The following CHRAC1 variants were observed in gnomAD, a reference collection of about 807,000 sequenced individuals.
CHRAC1 encodes the protein chromatin accessibility complex subunit 1, also known as chromatin accessibility complex protein 1.
In CHRAC1, 6 loss-of-function variants were observed where a neutral mutation model predicts 9.1. The ratio of observed to expected loss-of-function variants is 0.66; its 90% CI spans 0.36 to 1.29. The LOEUF is 1.29. CHRAC1 is among the 50% of genes most tolerant of loss of function. The probability of loss-of-function intolerance (pLI) is 0.03; values close to 1 mark genes in which losing one functional copy is unlikely to be tolerated. For synonymous variants in CHRAC1, 73 were observed against 64.5 expected, an observed-to-expected ratio of 1.13 and a Z score of -0.63; for missense variants, 168 against 163.5, an observed-to-expected ratio of 1.03 and a Z score of -0.15.
intron 1 of CHRAC1, among the ~76,000 whole-genome samples, chr8:140,513,797 T>G (rs989221885): frequency 1.3e-5 from 2 of 152,120 alleles, no homozygotes; most frequent in South Asian, 2.1e-4. Flanking sequence ...ACGATTCATC[T>G]TTTTCGTAAG....
chr8:140,516,068 T>A lies in CHRAC1; in HGVS notation c.*821T>A, dbSNP rs1236138555. 1 of 152,134 alleles carries A rather than the reference T, an allele frequency of 6.6e-6. No individual in the cohort carries two copies. Among genetic ancestry groups the A allele is most frequent in the Non-Finnish European group, 1.5e-5 (1 of 68,020 alleles). The allele number at this position is 152,134 out of a possible 1,614,324, so 9.4% of individuals were successfully genotyped here. On this transcript the variant is annotated 3_prime_UTR_variant, in exon 3 of 3. Coordinates refer to ENST00000220913, the MANE Select transcript of CHRAC1 (RefSeq NM_017444.6). ...AAATTCCTGGCACTTCTTTTTACTGTCTATAAGAGAAAACCTATCATAAGC... is the reference window on the plus strand; with the variant it reads ...AAATTCCTGGCACTTCTTTTTACTGACTATAAGAGAAAACCTATCATAAGC...
At position 140,515,415 on chromosome 8, in the gene CHRAC1, T is replaced by A; in HGVS notation, c.*168T>A. 1.6e-6 allele frequency: 1 copy of A among 633,924 alleles called. No individual in the cohort carries two copies. Among genetic ancestry groups the A allele is most frequent in the Non-Finnish European group, 2.6e-6 (1 of 391,440 alleles). 39.3% of individuals were successfully genotyped at this position (633,924 alleles called of 1,614,324 possible). A position where few individuals can be genotyped will look rare whatever the true frequency, so the allele number is the denominator to read the frequency against. On this transcript the variant is annotated 3_prime_UTR_variant, in exon 3 of 3. Transcript: ENST00000220913. ...TTCCAGGCCGAGATTGAGCACCTCA[T>A]GTACCTACGCCACAGACAGCCAGAG...
In CHRAC1 at chr8:140,515,370, G is replaced by C; in HGVS notation, c.*123G>C. On this transcript the variant is annotated 3_prime_UTR_variant, in exon 3 of 3. Transcript: ENST00000220913. ...CTTCTTCACAGAGTTCCAGTGTGTG[G>C]TATTCTTTCGAGGTATTCTTTCCAG... The C allele has an allele frequency of 1.0e-6, 1 of 961,508 alleles. No individual in the cohort carries two copies. 59.6% of individuals were successfully genotyped at this position (961,508 alleles called of 1,614,324 possible).
At position 140,515,956 on chromosome 8, in the gene CHRAC1, C is replaced by CA. The variant is rs2072331401; in HGVS notation, c.*709_*710insA. ...AAATCAAATACAAAAATAAGTCTTA[C>CA]CTCTTGTATAAGCATGTTGTACTAA... On this transcript the variant is annotated 3_prime_UTR_variant, in exon 3 of 3. Coordinates refer to ENST00000220913, the MANE Select transcript of CHRAC1 (RefSeq NM_017444.6). 6.6e-6 allele frequency: 1 copy of CA among 152,070 alleles called. No homozygotes were observed. The highest frequency in any genetic ancestry group is 1.5e-5 in the Non-Finnish European group (1 of 68,032). 9.4% of individuals were successfully genotyped at this position (152,070 alleles called of 1,614,324 possible). A position where few individuals can be genotyped will look rare whatever the true frequency, so the allele number is the denominator to read the frequency against.
At position 140,511,465 on chromosome 8, in the gene CHRAC1, C is replaced by T; in HGVS notation, c.-35C>T. 2 of 1,310,286 alleles carry T rather than the reference C, an allele frequency of 1.5e-6. No homozygotes were observed. The highest frequency in any genetic ancestry group is 2.0e-6 in the Non-Finnish European group (2 of 1,018,094). 81.2% of individuals were successfully genotyped at this position (1,310,286 alleles called of 1,614,324 possible). On this transcript the variant is annotated 5_prime_UTR_variant, in exon 1 of 3. Transcript: ENST00000220913. ...AGGGCAGCCACTTCGCGGTCGGGCC[C>T]GCCGGCTGCGGGCACCCGCGCGACG...
At chr8:140,514,324 AT>A in intron 1 of CHRAC1, 44 bp from the exon 2 acceptor site, 1 of 1,557,876 alleles carries the variant, frequency 6.4e-7, no homozygotes, top group African/African-American at 1.4e-5. Context: ...TCTGTGGTAC[AT>A]TTTCAAAGCA....
At position 140,515,161 on chromosome 8, in the gene CHRAC1, C is replaced by G. The variant is rs150288517; in HGVS notation, c.310C>G (p.Leu104Val). The change falls in exon 3 of 3, where the codon CTG becomes GTG. Residue 104 changes from leucine (L) to valine (V), a missense_variant. Physicochemically the swap from Leu to Val is conservative, Grantham distance 32. Coordinates refer to ENST00000220913, the MANE Select transcript of CHRAC1 (RefSeq NM_017444.6). ...LPKKILASKY[L>V]KMLKEEKREE... The stretch of plus-strand genomic sequence containing the variant: ...AAAGAAGATTTTAGCTAGTAAATAC[C>G]TGAAAATGCTTAAAGAGGAAAAGAG... 2.3e-4 allele frequency: 378 copies of G among 1,611,370 alleles called. No individual in the cohort carries two copies. Among genetic ancestry groups the G allele is most frequent in the Middle Eastern group, 4.9e-4 (3 of 6,074 alleles).
chr8:140,515,447 C>A lies in CHRAC1; in HGVS notation c.*200C>A. On this transcript the variant is annotated 3_prime_UTR_variant, in exon 3 of 3. Transcript: ENST00000220913. ...ACGCCACAGACAGCCAGAGGGAAAG[C>A]GACCCAGACAGCAGCCCCTCCTCGA... 2.4e-6 allele frequency: 1 copy of A among 421,918 alleles called. No homozygotes were observed. Among genetic ancestry groups the A allele is most frequent in the Non-Finnish European group, 4.1e-6 (1 of 244,662 alleles). 26.1% of individuals were successfully genotyped at this position (421,918 alleles called of 1,614,324 possible).
chr8:140,512,342 C>CT (rs1276351195), intron 1 of CHRAC1, among the ~76,000 whole-genome samples: 1 of 152,228 alleles, frequency 6.6e-6, no homozygotes, highest in Non-Finnish European at 1.5e-5. Flanking sequence ...CGGTCCGAGG[C>CT]TTTCGAGCCC....
At chr8:140,511,898 A>C (rs1197429914) in intron 1 of CHRAC1, 4 of 950,328 alleles carry the variant, frequency 4.2e-6, no homozygotes, top group Non-Finnish European at 6.0e-6. Flanking sequence ...CGCCTCGCCT[A>C]CCGCGCGCCT....
chr8:140,511,457 G>C lies in CHRAC1; in HGVS notation c.-43G>C. ...GGCCGGGCAGGGCAGCCACTTCGCG[G>C]TCGGGCCCGCCGGCTGCGGGCACCC... is the stretch of plus-strand genomic sequence containing the variant. On this transcript the variant is annotated 5_prime_UTR_variant, in exon 1 of 3. Transcript: ENST00000220913. The C allele has an allele frequency of 7.7e-7, 1 of 1,292,014 alleles. No individual in the cohort carries two copies. The highest frequency in any genetic ancestry group is 9.9e-7 in the Non-Finnish European group (1 of 1,008,654). 80.0% of individuals were successfully genotyped at this position (1,292,014 alleles called of 1,614,324 possible). A position where few individuals can be genotyped will look rare whatever the true frequency, so the allele number is the denominator to read the frequency against.
chr8:140,514,707 CCAA>C, intron 2 of CHRAC1: 1 of 441,050 alleles, frequency 2.3e-6, no homozygotes, highest in Non-Finnish European at 4.0e-6. Flanking sequence ...AATAGTGAAG[CCAA>C]CAACATTCAC....
In CHRAC1 at chr8:140,511,393, C is replaced by T. The variant is rs1462162052; in HGVS notation, c.-107C>T. The T allele has an allele frequency of 9.4e-7, 1 of 1,067,114 alleles. No homozygotes were observed. The highest frequency in any genetic ancestry group is 1.7e-5 in the African/African-American group (1 of 60,418). The allele number at this position is 1,067,114 out of a possible 1,614,324, so 66.1% of individuals were successfully genotyped here. A position where few individuals can be genotyped will look rare whatever the true frequency, so the allele number is the denominator to read the frequency against. The stretch of plus-strand genomic sequence containing the variant: ...GCCTCGCCTCCCCACACTACAACTC[C>T]CACGGGGCAGCGGGCGCGGCTCCCC... On this transcript the variant is annotated 5_prime_UTR_variant, in exon 1 of 3. Transcript: ENST00000220913.
In CHRAC1 at chr8:140,514,980, T is replaced by G. The variant is rs550488267; in HGVS notation, c.275-146T>G. ...GGAGACAATGCTAGTTTCTTTGATA[T>G]TTTACCCAGAAATGCAGCCTGAATT... On this transcript the variant is annotated intron_variant, in intron 2 of 2. Transcript: ENST00000220913. 11 of 780,532 alleles carry G rather than the reference T, an allele frequency of 1.4e-5. No individual in the cohort carries two copies. The South Asian group carries it at 2.0e-4, about 14-fold the overall frequency. 48.4% of individuals were successfully genotyped at this position (780,532 alleles called of 1,614,324 possible).
intron 1 of CHRAC1, chr8:140,511,990 C>A (rs548133706): frequency 7.7e-7 from 1 of 1,292,538 alleles, no homozygotes; most frequent in South Asian, 1.2e-5. Context: ...CCACTGTCCT[C>A]CCGCCGTTTC....
chr8:140,514,735 C>T, intron 2 of CHRAC1: 1 of 403,746 alleles, frequency 2.5e-6, no homozygotes, highest in Non-Finnish European at 4.4e-6. Context: ...TGTTGGTTGG[C>T]CGCGTATGCT....
At chr8:140,513,913 C>CTTTTTTTTTTTTTTTTT (rs57880666) in intron 1 of CHRAC1, among the ~76,000 whole-genome samples, 1 of 87,474 alleles carries the variant, frequency 1.1e-5, no homozygotes, top group Non-Finnish European at 2.2e-5. Flanking sequence ...CCAGTGATTT[C>CTTTTTTTTTTTTTTTTT]TTTTTTTTTT....
chr8:140,515,745 A>C lies in CHRAC1; in HGVS notation c.*498A>C, dbSNP rs2072328745. The C allele has an allele frequency of 6.6e-6, 1 of 152,658 alleles. No individual in the cohort carries two copies. The highest frequency in any genetic ancestry group is 2.4e-5 in the African/African-American group (1 of 41,472). The allele number at this position is 152,658 out of a possible 1,614,324, so 9.5% of individuals were successfully genotyped here. On this transcript the variant is annotated 3_prime_UTR_variant, in exon 3 of 3. Coordinates refer to ENST00000220913, the MANE Select transcript of CHRAC1 (RefSeq NM_017444.6). The stretch of plus-strand genomic sequence containing the variant: ...AAGTTGACTGTTCAGATATTTTTCT[A>C]CTGTAAAGAAATATACTTTTCTATT...
intron 1 of CHRAC1, chr8:140,511,924 G>T: frequency 8.3e-7 from 1 of 1,203,542 alleles, no homozygotes; most frequent in Non-Finnish European, 1.1e-6. Context: ...GCCCTTTGTC[G>T]CCTTCCTTCG....
Sources: gnomAD v4.1 joint callset for allele counts (sites outside exome capture counted in the v4.1 genomes callset) on GRCh38, gnomAD v4.1.1 for gene constraint, MANE v1.5 for transcripts, NCBI Gene and HGNC (gene_info 2026-07-23, HGNC 2026-07-21) for gene names.